The following MAP3K10 variants were observed in gnomAD, a reference collection of about 807,000 sequenced individuals.
The protein encoded by MAP3K10 is mitogen-activated protein kinase kinase kinase 10.
Under a neutral mutation model 75.0 loss-of-function variants are expected in MAP3K10, and 22 were observed. The ratio of observed to expected loss-of-function variants is 0.29; its 90% CI spans 0.21 to 0.42. The LOEUF (loss-of-function observed/expected upper bound fraction) is 0.42. Ranked by LOEUF, MAP3K10 falls within the 10% of genes least tolerant of loss-of-function variation. The pLI is 1.00. For missense variants in MAP3K10, 1,165 were observed against 1,379.8 expected, an observed-to-expected ratio of 0.84 and a Z score of 2.47; for synonymous variants, 599 against 612.9, an observed-to-expected ratio of 0.98 and a Z score of 0.34.
intron 2 of MAP3K10, among the ~76,000 whole-genome samples, chr19:40,200,113 A>C (rs1210390063): frequency 6.6e-6 from 1 of 152,222 alleles, no homozygotes; most frequent in African/African-American, 2.4e-5. Flanking sequence ...AGCCTGGCCA[A>C]CATGGTGAAA....
At chr19:40,194,764 T>TG (rs11406570) in intron 1 of MAP3K10, among the ~76,000 whole-genome samples, 114,890 of 152,078 alleles carry the variant, frequency 0.76, 43,586 homozygotes, top group African/African-American at 0.81. Context: ...GTGCCTACTC[T>TG]TACTAGGCAC....
chr19:40,204,787 G>C lies in MAP3K10; in HGVS notation c.1012+154G>C. The stretch of plus-strand genomic sequence containing the variant: ...ACTGGACTCTAAACAGCCTCCCCAT[G>C]GTTGGCTCCATCCCCCACATCCCAG... On this transcript the variant is annotated intron_variant, in intron 3 of 9. Transcript: ENST00000253055. This position sits in a 1 kb window ranked among gnomAD's most constrained non-coding sequence, Gnocchi z 4.3. 1 of 946,360 alleles carries C rather than the reference G, an allele frequency of 1.1e-6. No individual in the cohort carries two copies. Among genetic ancestry groups the C allele is most frequent in the Non-Finnish European group, 1.5e-6 (1 of 653,180 alleles). The allele number at this position is 946,360 out of a possible 1,614,324, so 58.6% of individuals were successfully genotyped here.
Position 40,209,162 on chromosome 19 carries a change from G to T in MAP3K10, c.1495G>T (p.Asp499Tyr), listed in dbSNP as rs147051761. 7 of 1,614,088 alleles carry T rather than the reference G, an allele frequency of 4.3e-6. No homozygotes were observed. Among genetic ancestry groups the T allele is most frequent in the Non-Finnish European group, 5.9e-6 (7 of 1,180,028 alleles). Residue 499 changes from aspartate (D) to tyrosine (Y), a missense_variant, in exon 6 of 10, where the codon GAT (aspartate) becomes TAT (tyrosine). By Grantham distance (160) the Asp-to-Tyr change is radical. This residue lies in a region of MAP3K10 where 575 missense variants were observed against 793.2 expected (regional missense o/e 0.72). Transcript: ENST00000253055. ...SPTLDKRKGSDGASPPASPSI... is the reference protein window; with the variant it reads ...SPTLDKRKGSYGASPPASPSI... ...AACTCTGGATAAGCGGAAAGGATCC[G>T]ATGGGGCCAGCCCCCCTGCAAGCCC... is the stretch of plus-strand genomic sequence containing the variant.
At chr19:40,208,874 AC>A (rs1318466271) in intron 5 of MAP3K10, among the ~76,000 whole-genome samples, 2 of 151,954 alleles carry the variant, frequency 1.3e-5, no homozygotes, top group East Asian at 3.9e-4. Flanking sequence ...GCTGAGCCTC[AC>A]CCCAACTTGC....
In MAP3K10 at chr19:40,214,017, C is replaced by A. The variant is rs1568495433; in HGVS notation, c.2338C>A (p.Pro780Thr). 4.0e-6 allele frequency: 6 copies of A among 1,507,584 alleles called. No individual in the cohort carries two copies. The South Asian group carries it at 4.9e-5, about 12-fold the overall frequency. 93.4% of individuals were successfully genotyped at this position (1,507,584 alleles called of 1,614,324 possible). The part of the protein sequence containing the change: ...APAAPSPPPS[P>T]PAPTPTPSPS... ...GGCCGCGCCCTCCCCACCACCCTCC[C>A]CGCCCGCGCCCACACCCACGCCCTC... The change falls in exon 9 of 10, where the codon CCG (proline) becomes ACG (threonine). Residue 780 changes from proline (P) to threonine (T), a missense_variant. Pro to Thr is a conservative substitution (Grantham distance 38, BLOSUM62 -1). Around this residue, in one of 2 missense-constraint regions of MAP3K10, gnomAD observed 590 missense variants for 586.6 expected, o/e 1.01. Coordinates refer to ENST00000253055, the MANE Select transcript of MAP3K10 (RefSeq NM_002446.4).
At position 40,192,805 on chromosome 19, in the gene MAP3K10, C is replaced by T; in HGVS notation, c.682+92C>T. 2 of 1,028,486 alleles carry T rather than the reference C, an allele frequency of 1.9e-6. No individual in the cohort carries two copies. Among genetic ancestry groups the T allele is most frequent in the Non-Finnish European group, 2.7e-6 (2 of 729,244 alleles). 63.7% of individuals were successfully genotyped at this position (1,028,486 alleles called of 1,614,324 possible). On this transcript the variant is annotated intron_variant, in intron 1 of 9. Transcript: ENST00000253055. The surrounding 1 kb of genome is among the most constrained non-coding windows in gnomAD (Gnocchi z 7.1). ...AAACAGGGTGAGGGACACCAGATGA[C>T]ACTGTGCCTGGAGTGAGAAGGGGCA...
At chr19:40,199,353 GA>G (rs1426941389) in intron 2 of MAP3K10, among the ~76,000 whole-genome samples, 2 of 152,130 alleles carry the variant, frequency 1.3e-5, no homozygotes, top group East Asian at 3.8e-4. Context: ...AAGTACACCA[GA>G]AAAAAGTGTT....
At chr19:40,196,703 G>C (rs1353701709) in intron 1 of MAP3K10, among the ~76,000 whole-genome samples, 1 of 152,080 alleles carries the variant, frequency 6.6e-6, no homozygotes, top group Non-Finnish European at 1.5e-5. Flanking sequence ...ATTTTTAGTA[G>C]AGACAGGGTT....
chr19:40,213,561 T>TC lies in MAP3K10; in HGVS notation c.1887dup (p.Tyr630LeufsTer71). 1 of 1,609,584 alleles carries TC rather than the reference T, an allele frequency of 6.2e-7. No homozygotes were observed. Among genetic ancestry groups the TC allele is most frequent in the Non-Finnish European group, 8.5e-7 (1 of 1,178,270 alleles). ...GGATGGAGGCAGCAGCGTGCCCCCT[T>TC]CCCCCTACTCGACCCCGTCCTACCT... On this transcript the variant is annotated frameshift_variant, in exon 9 of 10. Transcript: ENST00000253055. LOFTEE classifies it high-confidence loss of function. The surrounding 1 kb of genome is among the most constrained non-coding windows in gnomAD (Gnocchi z 5.7).
At chr19:40,211,882 C>T (rs1973247312) in intron 6 of MAP3K10, among the ~76,000 whole-genome samples, 1 of 152,158 alleles carries the variant, frequency 6.6e-6, no homozygotes, top group Admixed American at 6.5e-5. Flanking sequence ...CACCACCATG[C>T]CTGGCTAATT....
In MAP3K10 at chr19:40,212,776, C is replaced by T; in HGVS notation, c.1553-29C>T. 6.4e-7 allele frequency: 1 copy of T among 1,569,646 alleles called. No homozygotes were observed. Among genetic ancestry groups the T allele is most frequent in the Non-Finnish European group, 8.6e-7 (1 of 1,158,482 alleles). ...GCCCAGTGGGGACAGATCCTCCACCCAGTAACCAAGTGGCTTCTCTGGACC... is the reference window on the plus strand; with the variant it reads ...GCCCAGTGGGGACAGATCCTCCACCTAGTAACCAAGTGGCTTCTCTGGACC... On this transcript the variant is annotated intron_variant, in intron 6 of 9. Transcript: ENST00000253055. The surrounding 1 kb of genome is among the most constrained non-coding windows in gnomAD (Gnocchi z 4.2).
rs201673191 is a variant in MAP3K10 at position 40,213,051 on chromosome 19, C to A, written c.1725-25C>A. 13 of 1,601,030 alleles carry A rather than the reference C, an allele frequency of 8.1e-6. No individual in the cohort carries two copies. Among genetic ancestry groups the A allele is most frequent in the Non-Finnish European group, 1.1e-5 (13 of 1,172,966 alleles). On this transcript the variant is annotated intron_variant, in intron 7 of 9. Transcript: ENST00000253055. The surrounding 1 kb of genome is among the most constrained non-coding windows in gnomAD (Gnocchi z 5.7). ...AGGCTCCAGGCCACAGGACTGAGGT[C>A]TCCATCTCTCCCTGGACCCCGCAGG...
chr19:40,199,216 G>C (rs1017709575), intron 2 of MAP3K10, among the ~76,000 whole-genome samples: 2 of 152,162 alleles, frequency 1.3e-5, no homozygotes, highest in African/African-American at 4.8e-5. Flanking sequence ...ACTGCACCGG[G>C]TTCTAGGGAT....
intron 2 of MAP3K10, among the ~76,000 whole-genome samples, chr19:40,202,572 G>A (rs1973046604): frequency 6.6e-6 from 1 of 151,724 alleles, no homozygotes; most frequent in African/African-American, 2.4e-5. Context: ...TACAGGATAG[G>A]GTGTTTGGGG....
intron 5 of MAP3K10, among the ~76,000 whole-genome samples, chr19:40,207,638 G>A (rs1006494074): frequency 6.6e-6 from 1 of 152,078 alleles, no homozygotes; most frequent in Non-Finnish European, 1.5e-5. Context: ...AGGAGGCTGA[G>A]GCAGGAGAAT....
chr19:40,211,231 A>C (rs1283509840), intron 6 of MAP3K10, among the ~76,000 whole-genome samples: 1 of 151,186 alleles, frequency 6.6e-6, no homozygotes, highest in Non-Finnish European at 1.5e-5. Flanking sequence ...GAATGGGAGG[A>C]GGACATAGGT....
rs1183020941 is a variant in MAP3K10, at chr19:40,191,885, TCCTGCGGAGGGC to T, written c.-146_-135del. On this transcript the variant is annotated 5_prime_UTR_variant, in exon 1 of 10. Coordinates refer to ENST00000253055, the MANE Select transcript of MAP3K10 (RefSeq NM_002446.4). Reference sequence around the variant, plus strand: ...CCTTTGAAAGGGTTTTTTTTCTTGCTCCTGCGGAGGGCGCCCCAGCCATGGCCCTCAGGAGCT... The same window carrying T: ...CCTTTGAAAGGGTTTTTTTTCTTGCTGCCCCAGCCATGGCCCTCAGGAGCT... 2 of 382,000 alleles carry T rather than the reference TCCTGCGGAGGGC, an allele frequency of 5.2e-6. No homozygotes were observed. The highest frequency in any genetic ancestry group is 9.1e-6 in the Non-Finnish European group (2 of 219,158). 23.7% of individuals were successfully genotyped at this position (382,000 alleles called of 1,614,324 possible).
At chr19:40,200,249 G>A (rs544912113) in intron 2 of MAP3K10, among the ~76,000 whole-genome samples, 189 of 152,220 alleles carry the variant, frequency 1.2e-3, no homozygotes, top group African/African-American at 4.2e-3. Context: ...AGATGGCGCC[G>A]TTGCACTCCA....
rs372650081 is a variant in MAP3K10 at position 40,215,147 on chromosome 19, C to T, written c.2720C>T (p.Thr907Ile). 19 of 1,609,312 alleles carry T rather than the reference C, an allele frequency of 1.2e-5. No homozygotes were observed. The African/African-American group carries it at 2.5e-4, about 21-fold the overall frequency. The change falls in exon 10 of 10, where the codon ACA becomes ATA. Residue 907 changes from threonine (T) to isoleucine (I), a missense_variant. Physicochemically the swap from Thr to Ile is moderately conservative, Grantham distance 89. This residue lies in a region of MAP3K10 where 590 missense variants were observed against 586.6 expected (regional missense o/e 1.01). Transcript: ENST00000253055. ...DPWKLVSFGRTLTISPPSRPD... is the reference protein window; with the variant it reads ...DPWKLVSFGRILTISPPSRPD... Reference sequence around the variant, plus strand: ...TGGAAACTGGTCTCCTTCGGCCGGACACTCACCATCTCGCCTCCCAGCAGG... The same window carrying T: ...TGGAAACTGGTCTCCTTCGGCCGGATACTCACCATCTCGCCTCCCAGCAGG...
Sources: gnomAD v4.1 joint callset for allele counts (sites outside exome capture counted in the v4.1 genomes callset) on GRCh38, gnomAD v4.1.1 for gene constraint, gnomAD v4.1.1 regional missense constraint, Gnocchi (gnomAD v3.1) non-coding constraint, MANE v1.5 for transcripts, NCBI Gene and HGNC (gene_info 2026-07-23, HGNC 2026-07-21) for gene names.